Variants in H6PD observed in about 807,000 individuals in gnomAD.
H6PD encodes the protein hexose-6-phosphate dehydrogenase/glucose 1-dehydrogenase.
In H6PD, 48 loss-of-function variants were observed where a neutral mutation model predicts 61.2. The ratio of observed to expected loss-of-function variants is 0.78; its 90% CI spans 0.62 to 1.00. H6PD has a LOEUF of 1.00. Ranked by LOEUF, H6PD falls within the 50% of genes least tolerant of loss-of-function variation. The pLI is 0.00. For missense variants in H6PD, 1,093 were observed against 1,065.0 expected (o/e 1.03, Z -0.37); for synonymous variants, 480 against 457.9 (o/e 1.05, Z -0.62).
intron 1 of H6PD, among the ~76,000 whole-genome samples, chr1:9,243,214 G>T (rs373562697): frequency 6.6e-6 from 1 of 152,118 alleles, no homozygotes; most frequent in Non-Finnish European, 1.5e-5. Flanking sequence ...GGAGGAGGGG[G>T]TCTGACGTCA....
At chr1:9,262,923 G>C (rs1027432259) in intron 4 of H6PD, among the ~76,000 whole-genome samples, 13 of 152,326 alleles carry the variant, frequency 8.5e-5, no homozygotes, top group African/African-American at 2.6e-4. Context: ...GAAACGTAAG[G>C]CTCGGTGAAG....
In H6PD at chr1:9,247,102, G is replaced by A. The variant is rs368172161; in HGVS notation, c.745+19G>A. 1.4e-4 allele frequency: 201 copies of A among 1,474,302 alleles called. 2 individuals carry two copies. The highest frequency in any genetic ancestry group is 9.4e-4 in the African/African-American group (68 of 72,330). 91.3% of individuals were successfully genotyped at this position (1,474,302 alleles called of 1,614,324 possible). On this transcript the variant is annotated intron_variant, in intron 3 of 4. Transcript: ENST00000377403. ...GCTGAAGGTGTGTGAGTGGCCCTGC[G>A]CACTCGGTCCCCCAGCCTCTGCCTG...
At chr1:9,255,217 G>A (rs1641478608) in intron 3 of H6PD, among the ~76,000 whole-genome samples, 1 of 152,174 alleles carries the variant, frequency 6.6e-6, no homozygotes, top group African/African-American at 2.4e-5. Context: ...CAGGAGTGGG[G>A]TTGCTGGAGG....
chr1:9,249,208 C>T (rs1641282191), intron 3 of H6PD, among the ~76,000 whole-genome samples: 1 of 152,204 alleles, frequency 6.6e-6, no homozygotes, highest in South Asian at 2.1e-4. Context: ...CCTCTTAGTT[C>T]TTCCAGCCCT....
Position 9,253,564 on chromosome 1 carries a change from C to G in H6PD, c.745+6481C>G, listed in dbSNP as rs970808916. Among the ~76,000 whole-genome samples, 5 of 152,260 alleles carry G rather than the reference C, an allele frequency of 3.3e-5. No homozygotes were observed. In the South Asian group the frequency reaches 6.2e-4, roughly 19 times the overall value. ...GGGTGACATAGTGGAACTGGAAACC[C>G]TTTTCTTTCTTAGGGGTTATAAAAC... is the stretch of plus-strand genomic sequence containing the variant. On this transcript the variant is annotated intron_variant, in intron 3 of 4. Transcript: ENST00000377403.
chr1:9,255,398 C>T (rs1641484978), intron 3 of H6PD, among the ~76,000 whole-genome samples: 1 of 152,168 alleles, frequency 6.6e-6, no homozygotes, highest in Admixed American at 6.5e-5. Context: ...CCTCCCACCT[C>T]AGCCTCCCAA....
chr1:9,242,347 A>T (rs1049507030), intron 1 of H6PD, among the ~76,000 whole-genome samples: 1 of 89,406 alleles, frequency 1.1e-5, no homozygotes, highest in Non-Finnish European at 2.6e-5. Context: ...AAAAAAACAT[A>T]AAAAAAAAAA....
rs1638287508 is a variant in H6PD at position 9,261,495 on chromosome 1, CTTCTT to C, written c.746-563_746-559del. Among the ~76,000 whole-genome samples, 10 of 152,332 alleles carry C rather than the reference CTTCTT, an allele frequency of 6.6e-5. No homozygotes were observed. In the South Asian group the frequency reaches 2.1e-3, roughly 32 times the overall value. On this transcript the variant is annotated intron_variant, in intron 3 of 4. Coordinates refer to ENST00000377403, the MANE Select transcript of H6PD (RefSeq NM_004285.4). ...TGTAATTTTGTTTACTTCCTTTTCTCTTCTTCCCACTTTCCCTCCCTCCCACTCCC... is the reference window on the plus strand; with the variant it reads ...TGTAATTTTGTTTACTTCCTTTTCTCCCCACTTTCCCTCCCTCCCACTCCC...
At chr1:9,239,921 G>T in intron 1 of H6PD, 1 of 1,031,940 alleles carries the variant, frequency 9.7e-7, no homozygotes, top group Non-Finnish European at 1.2e-6. Context: ...ACAGCTGCAC[G>T]CCTCTTCCGC....
intron 3 of H6PD, among the ~76,000 whole-genome samples, chr1:9,258,000 G>A (rs1051600578): frequency 3.9e-5 from 6 of 152,260 alleles, no homozygotes; most frequent in African/African-American, 1.4e-4. Flanking sequence ...GTGGAGCGGA[G>A]CTCGTGGTTA....
In H6PD at chr1:9,245,557, A is replaced by G. The variant is rs1570090196; in HGVS notation, c.623A>G (p.Lys208Arg). 1 of 1,614,104 alleles carries G rather than the reference A, an allele frequency of 6.2e-7. No individual in the cohort carries two copies. Among genetic ancestry groups the G allele is most frequent in the Non-Finnish European group, 8.5e-7 (1 of 1,179,994 alleles). The change falls in exon 2 of 5, where the codon AAG (lysine) becomes AGG (arginine). Residue 208 changes from lysine (K) to arginine (R), a missense_variant. By Grantham distance (26) the Lys-to-Arg change is conservative. Transcript: ENST00000377403. This position sits in a 1 kb window ranked among gnomAD's most constrained non-coding sequence, Gnocchi z 4.8. The stretch of plus-strand genomic sequence containing the variant: ...TACCGGGTGGACCATTACTTAGGCA[A>G]GCAGGTGAGCATCAGCATGGAGCCT... ...EMYRVDHYLGKQAVAQILPFR... is the reference protein window; with the variant it reads ...EMYRVDHYLGRQAVAQILPFR...
At chr1:9,253,374 C>G (rs1054283669) in intron 3 of H6PD, among the ~76,000 whole-genome samples, 6 of 152,204 alleles carry the variant, frequency 3.9e-5, no homozygotes, top group African/African-American at 1.4e-4. Context: ...GAATAGTAAG[C>G]AGATAACAGG....
At chr1:9,246,846 T>C in intron 2 of H6PD, 120 bp from the exon 3 acceptor site, 1 of 793,950 alleles carries the variant, frequency 1.3e-6, no homozygotes, top group Non-Finnish European at 2.3e-6. Flanking sequence ...GAACTACTGC[T>C]CAGAGGGCAT....
chr1:9,239,950 C>G (rs555063175), intron 1 of H6PD: 8 of 1,225,986 alleles, frequency 6.5e-6, no homozygotes, highest in East Asian at 6.3e-5. Flanking sequence ...GAACAAAGGC[C>G]GGAACCTGGA....
rs1043946849 is a variant in H6PD, at chr1:9,267,624, C to T, written c.*2755C>T. 1 of 152,246 alleles carries T rather than the reference C, an allele frequency of 6.6e-6. No homozygotes were observed. Among genetic ancestry groups the T allele is most frequent in the African/African-American group, 2.4e-5 (1 of 41,432 alleles). 9.4% of individuals were successfully genotyped at this position (152,246 alleles called of 1,614,324 possible). On this transcript the variant is annotated 3_prime_UTR_variant, in exon 5 of 5. Coordinates refer to ENST00000377403, the MANE Select transcript of H6PD (RefSeq NM_004285.4). ...TGGGTGTGGGAGTGTGGGTGAGGGT[C>T]GAAATGCCAAAGGTCTACTTTCCAG...
intron 3 of H6PD, among the ~76,000 whole-genome samples, chr1:9,258,851 TTG>T (rs1262935230): frequency 6.6e-6 from 1 of 151,734 alleles, no homozygotes; most frequent in Non-Finnish European, 1.5e-5. Context: ...TATGCTGGTG[TTG>T]TGTTACTGTT....
intron 3 of H6PD, among the ~76,000 whole-genome samples, chr1:9,249,617 C>T (rs1641297031): frequency 6.6e-6 from 1 of 152,234 alleles, no homozygotes; most frequent in African/African-American, 2.4e-5. Context: ...CCTGTACCTT[C>T]AGCCCAGGGG....
chr1:9,261,216 CT>C (rs1437250568), intron 3 of H6PD, among the ~76,000 whole-genome samples: 4 of 152,158 alleles, frequency 2.6e-5, no homozygotes, highest in African/African-American at 7.2e-5. Context: ...AGTGTCCCCC[CT>C]ACAACTGATC....
intron 3 of H6PD, among the ~76,000 whole-genome samples, chr1:9,258,203 G>A (rs1045597985): frequency 1.3e-5 from 2 of 152,128 alleles, no homozygotes; most frequent in Admixed American, 1.3e-4. Context: ...GTGTTGTTAC[G>A]CCAGTGTTGT....
Sources: gnomAD v4.1 joint callset for allele counts (sites outside exome capture counted in the v4.1 genomes callset) on GRCh38, gnomAD v4.1.1 for gene constraint, Gnocchi (gnomAD v3.1) non-coding constraint, MANE v1.5 for transcripts, NCBI Gene and HGNC (gene_info 2026-07-23, HGNC 2026-07-21) for gene names.